The following STX8 variants were observed in gnomAD, a reference collection of about 807,000 sequenced individuals.
STX8 encodes the protein syntaxin 8.
STX8 carries 23 observed loss-of-function variants against 37.5 expected under a neutral mutation model. The ratio of observed to expected loss-of-function variants is 0.61; its 90% CI spans 0.44 to 0.87. The LOEUF is 0.87. Among genes scored for constraint, STX8 ranks in the 40% least tolerant of loss-of-function variants. STX8 has a pLI of 0.00. For missense variants in STX8, 313 were observed against 284.7 expected, an observed-to-expected ratio of 1.10 and a Z score of -0.71; for synonymous variants, 115 against 99.1, an observed-to-expected ratio of 1.16 and a Z score of -0.95.
At chr17:9,296,019 C>T (rs7223897) in intron 7 of STX8, among the ~76,000 whole-genome samples, 84,242 of 151,730 alleles carry the variant, frequency 0.56, 23,844 homozygotes, top group African/African-American at 0.66. Flanking sequence ...TGAAACCCTG[C>T]CTCTGCTAAA....
At chr17:9,403,882 A>AGG (rs1170212420) in intron 6 of STX8, among the ~76,000 whole-genome samples, 2 of 151,946 alleles carry the variant, frequency 1.3e-5, no homozygotes, top group African/African-American at 2.4e-5. Flanking sequence ...TCCTGACCTC[A>AGG]TGATCTGCCC....
intron 7 of STX8, among the ~76,000 whole-genome samples, chr17:9,263,043 T>C (rs2142129429): frequency 6.6e-6 from 1 of 152,350 alleles, no homozygotes; most frequent in Non-Finnish European, 1.5e-5. Flanking sequence ...CTTGAAAGGA[T>C]AGTCCCAAGA....
At chr17:9,378,866 CA>C (rs112189190) in intron 6 of STX8, among the ~76,000 whole-genome samples, 9 of 151,954 alleles carry the variant, frequency 5.9e-5, no homozygotes, top group African/African-American at 1.9e-4. Context: ...AACACAATTC[CA>C]GCAGACAGGA....
At chr17:9,378,719 T>A in intron 6 of STX8, 66 bp from the exon 7 acceptor site, 2 of 1,220,584 alleles carry the variant, frequency 1.6e-6, no homozygotes, top group Non-Finnish European at 2.4e-6. Context: ...GTATCACAGC[T>A]GTGGTTGTTC....
intron 6 of STX8, among the ~76,000 whole-genome samples, chr17:9,383,284 GCA>G (rs1269420872): frequency 1.3e-5 from 2 of 152,158 alleles, no homozygotes; most frequent in Non-Finnish European, 2.9e-5. Flanking sequence ...TGCTACTAAA[GCA>G]CGACTTATGG....
At chr17:9,548,897 G>T (rs770607885) in intron 3 of STX8, among the ~76,000 whole-genome samples, 1 of 152,116 alleles carries the variant, frequency 6.6e-6, no homozygotes, top group African/African-American at 2.4e-5. Context: ...TGCCTCTAAG[G>T]AAGGACAACT....
At chr17:9,299,102 T>C (rs1908669940) in intron 7 of STX8, among the ~76,000 whole-genome samples, 1 of 152,152 alleles carries the variant, frequency 6.6e-6, no homozygotes. Context: ...GAGTTTGCAG[T>C]CTGAGGCCAT....
intron 7 of STX8, among the ~76,000 whole-genome samples, chr17:9,325,718 C>T (rs1440225910): frequency 6.6e-6 from 1 of 152,228 alleles, no homozygotes; most frequent in East Asian, 1.9e-4. Flanking sequence ...TTGCAGTGAA[C>T]ATGTGTTTGC....
chr17:9,402,043 C>A (rs61335691), intron 6 of STX8, among the ~76,000 whole-genome samples: 12,309 of 151,954 alleles, frequency 0.081, 768 homozygotes, highest in East Asian at 0.31. Context: ...CACAGTTGGC[C>A]CATGTATCTT....
chr17:9,295,919 A>G (rs533806612), intron 7 of STX8, among the ~76,000 whole-genome samples: 9 of 149,448 alleles, frequency 6.0e-5, no homozygotes, highest in African/African-American at 1.7e-4. Context: ...GGCCAGGCGC[A>G]GTGGCTCATG....
intron 6 of STX8, among the ~76,000 whole-genome samples, chr17:9,394,878 C>T (rs1359492939): frequency 1.3e-5 from 2 of 150,666 alleles, no homozygotes; most frequent in African/African-American, 4.9e-5. Flanking sequence ...CCAGCCTGGC[C>T]TGGCCTGGCC....
chr17:9,385,696 T>C (rs567005068), intron 6 of STX8, among the ~76,000 whole-genome samples: 9 of 152,238 alleles, frequency 5.9e-5, no homozygotes, highest in Non-Finnish European at 1.2e-4. Context: ...AAGGGCGCTG[T>C]ACAAGTATTT....
chr17:9,270,725 G>A (rs2142138811), intron 7 of STX8, among the ~76,000 whole-genome samples: 1 of 152,340 alleles, frequency 6.6e-6, no homozygotes, highest in South Asian at 2.1e-4. Flanking sequence ...TAATCAAGGA[G>A]TAGTGGTTTT....
At chr17:9,505,460 A>G (rs565779035) in intron 4 of STX8, among the ~76,000 whole-genome samples, 2 of 152,334 alleles carry the variant, frequency 1.3e-5, no homozygotes, top group African/African-American at 4.8e-5. Flanking sequence ...AGAAGTTGGT[A>G]ATAAATGAGG....
intron 4 of STX8, among the ~76,000 whole-genome samples, chr17:9,506,407 T>TCCCCCCCCCCCCCCCCCCCCCCCCCC (rs57490676): frequency 2.5e-5 from 1 of 39,360 alleles, no homozygotes; most frequent in Non-Finnish European, 4.9e-5. Flanking sequence ...GCTCACCCGC[T>TCCCCCCCCCCCCCCCCCCCCCCCCCC]CCCCCCCCCC....
At chr17:9,405,628 C>T (rs771125254) in intron 6 of STX8, among the ~76,000 whole-genome samples, 3 of 152,172 alleles carry the variant, frequency 2.0e-5, no homozygotes, top group Non-Finnish European at 4.4e-5. Context: ...GCCTTAAATT[C>T]TGATGCTTGA....
intron 7 of STX8, among the ~76,000 whole-genome samples, chr17:9,297,606 G>A (rs1908613737): frequency 6.6e-6 from 1 of 152,188 alleles, no homozygotes; most frequent in African/African-American, 2.4e-5. Flanking sequence ...AGTAGCTCAC[G>A]CCTATGGTTC....
At chr17:9,387,131 A>G (rs929947419) in intron 6 of STX8, among the ~76,000 whole-genome samples, 1 of 152,322 alleles carries the variant, frequency 6.6e-6, no homozygotes, top group Admixed American at 6.5e-5. Flanking sequence ...AAACTTTAGC[A>G]AACGCTCAAA....
At chr17:9,563,193 A>G (rs1907317352) in intron 2 of STX8, among the ~76,000 whole-genome samples, 2 of 149,508 alleles carry the variant, frequency 1.3e-5, no homozygotes, top group South Asian at 4.2e-4. Context: ...TTATTTATTT[A>G]TTTATTGAGA....
Sources: allele counts gnomAD v4.1 joint callset (sites outside exome capture counted in the v4.1 genomes callset), GRCh38; gene constraint gnomAD v4.1.1; transcripts MANE v1.5; gene names NCBI Gene and HGNC (gene_info 2026-07-23, HGNC 2026-07-21).